The following ANKRD30B variants were observed in gnomAD, a reference collection of about 807,000 sequenced individuals.
ANKRD30B encodes the protein ankyrin repeat domain 30B, also known as ankyrin repeat domain-containing protein 30B.
In ANKRD30B, 144 loss-of-function variants were observed where a neutral mutation model predicts 202.2. The ratio of observed to expected loss-of-function variants is 0.71; its 90% confidence interval spans 0.62 to 0.82. The LOEUF is 0.82. Among genes scored for constraint, ANKRD30B ranks in the 40% least tolerant of loss-of-function variants. The pLI is 0.00. For missense variants in ANKRD30B, 1,487 were observed against 1,669.1 expected (o/e 0.89, Z 1.90); for synonymous variants, 508 against 561.3 (o/e 0.91, Z 1.34).
chr18:14,901,621 T>G, the ANKRD30B span, among the ~76,000 whole-genome samples: 1 of 152,178 alleles, frequency 6.6e-6, no homozygotes, highest in Non-Finnish European at 1.5e-5. Flanking sequence ...AAATATATTG[T>G]TGTGAGCAAA....
chr18:14,936,103 A>G, the ANKRD30B span, among the ~76,000 whole-genome samples: 2 of 152,174 alleles, frequency 1.3e-5, no homozygotes, highest in Non-Finnish European at 2.9e-5. Flanking sequence ...GTTGCAAGGG[A>G]ACATTCCCAA....
chr18:14,906,922 T>A, the ANKRD30B span, among the ~76,000 whole-genome samples: 1 of 114,740 alleles, frequency 8.7e-6, no homozygotes, highest in Non-Finnish European at 1.8e-5. Context: ...GGGGGTTGGG[T>A]GGCGGTGGGG....
chr18:14,798,060 A>C (rs919821405), intron 20 of ANKRD30B, among the ~76,000 whole-genome samples: 4 of 152,180 alleles, frequency 2.6e-5, no homozygotes, highest in African/African-American at 9.7e-5. Context: ...GCTTTGCCTC[A>C]TGTGGATATC....
intron 42 of ANKRD30B, among the ~76,000 whole-genome samples, chr18:14,853,294 AG>A (rs1267164936): frequency 6.6e-6 from 1 of 152,192 alleles, no homozygotes; most frequent in African/African-American, 2.4e-5. Context: ...GTTCATGTAT[AG>A]TACAAAAGAA....
chr18:14,861,339 T>TA, the ANKRD30B span, among the ~76,000 whole-genome samples: 1 of 151,876 alleles, frequency 6.6e-6, no homozygotes, highest in Non-Finnish European at 1.5e-5. Flanking sequence ...GCAAACTGGA[T>TA]AAAAAAAAGA....
intron 20 of ANKRD30B, among the ~76,000 whole-genome samples, chr18:14,798,803 A>C (rs530894574): frequency 2.0e-5 from 3 of 152,286 alleles, no homozygotes; most frequent in South Asian, 2.1e-4. Context: ...CACATCACCC[A>C]CTGTTGGCTC....
At chr18:14,794,028 C>T (rs563828135) in intron 16 of ANKRD30B, among the ~76,000 whole-genome samples, 15 of 152,156 alleles carry the variant, frequency 9.9e-5, no homozygotes, top group African/African-American at 3.4e-4. Context: ...TCCTACTTCA[C>T]GCTATATTAG....
At chr18:14,795,493 G>A (rs944053983) in intron 16 of ANKRD30B, among the ~76,000 whole-genome samples, 47 of 152,136 alleles carry the variant, frequency 3.1e-4, no homozygotes, top group African/African-American at 9.9e-4. Flanking sequence ...CATGCCACCT[G>A]GACTGTATTA....
At chr18:14,845,223 A>T (rs1489529919) in intron 39 of ANKRD30B, among the ~76,000 whole-genome samples, 1 of 151,862 alleles carries the variant, frequency 6.6e-6, no homozygotes, top group African/African-American at 2.4e-5. Flanking sequence ...TTATGGTTTT[A>T]GGTCTAACAT....
chr18:14,879,017 G>T, the ANKRD30B span, among the ~76,000 whole-genome samples: 2 of 152,022 alleles, frequency 1.3e-5, no homozygotes, highest in East Asian at 1.9e-4. Flanking sequence ...ACCTGGGCAG[G>T]CAGGCAGGCC....
chr18:14,821,329 A>G (rs1970410676), intron 30 of ANKRD30B, among the ~76,000 whole-genome samples: 1 of 151,678 alleles, frequency 6.6e-6, no homozygotes, highest in East Asian at 1.9e-4. Flanking sequence ...TGGATTCATT[A>G]ATTTTTTGAA....
At chr18:14,774,836 A>AG (rs1967250097) in intron 9 of ANKRD30B, among the ~76,000 whole-genome samples, 1 of 152,088 alleles carries the variant, frequency 6.6e-6, no homozygotes, top group South Asian at 2.1e-4. Flanking sequence ...AAAAAAAAAA[A>AG]AAATCTAAGG....
intron 34 of ANKRD30B, among the ~76,000 whole-genome samples, chr18:14,833,097 C>T (rs1035220680): frequency 1.3e-5 from 2 of 151,972 alleles, no homozygotes; most frequent in African/African-American, 4.8e-5. Flanking sequence ...CCACCATGCC[C>T]AGCTAATTTT....
chr18:14,809,950 G>T, intron 26 of ANKRD30B, 36 bp from the exon 27 acceptor site: 1 of 1,391,706 alleles, frequency 7.2e-7, no homozygotes, highest in Non-Finnish European at 1.0e-6. Context: ...TGTCAGGCTT[G>T]CATATAATCA....
At chr18:14,917,220 T>C in the ANKRD30B span, among the ~76,000 whole-genome samples, 2 of 152,326 alleles carry the variant, frequency 1.3e-5, no homozygotes, top group Admixed American at 6.5e-5. Flanking sequence ...TATTTTTCCC[T>C]TTTCTCTAAC....
intron 32 of ANKRD30B, among the ~76,000 whole-genome samples, chr18:14,827,902 A>G (rs937827551): frequency 5.5e-4 from 83 of 152,212 alleles, no homozygotes; most frequent in African/African-American, 1.9e-3. Context: ...GGAAATAAGC[A>G]TTCTTAATGC....
At chr18:14,784,898 T>A (rs2143878216) in intron 14 of ANKRD30B, among the ~76,000 whole-genome samples, 1 of 152,312 alleles carries the variant, frequency 6.6e-6, no homozygotes, top group East Asian at 1.9e-4. Context: ...GGGGATCAAG[T>A]CTTTTACTGA....
In ANKRD30B at chr18:14,831,557, G is replaced by A; in HGVS notation, c.2847+102G>A. The A allele has an allele frequency of 7.3e-6, 4 of 545,976 alleles. No individual in the cohort carries two copies. The South Asian group carries it at 1.2e-4, about 16-fold the overall frequency. The allele number at this position is 545,976 out of a possible 1,614,324, so 33.8% of individuals were successfully genotyped here. ...AGTGGTGTATGTATCATAATTTCAT[G>A]TTGGTAATATAAAGTTGGTCACATA... On this transcript the variant is annotated intron_variant, in intron 34 of 43. Coordinates refer to ENST00000690538, the MANE Select transcript of ANKRD30B (RefSeq NM_001367607.2).
chr18:14,931,357 C>T, the ANKRD30B span, among the ~76,000 whole-genome samples: 1 of 152,206 alleles, frequency 6.6e-6, no homozygotes, highest in Admixed American at 6.5e-5. Flanking sequence ...ATTTTGATCT[C>T]CAGTGATCTG....
Sources: allele counts gnomAD v4.1 joint callset (sites outside exome capture counted in the v4.1 genomes callset), GRCh38; gene constraint gnomAD v4.1.1; transcripts MANE v1.5; gene names NCBI Gene and HGNC (gene_info 2026-07-23, HGNC 2026-07-21).